GATAD1: variants seen among roughly 807,000 people sequenced by gnomAD.
GATAD1 encodes the protein GATA zinc finger domain-containing protein 1.
In GATAD1, 12 loss-of-function variants were observed where a neutral mutation model predicts 26.5. The observed-to-expected ratio is 0.45, with a 90% CI of 0.29 to 0.73. The LOEUF (loss-of-function observed/expected upper bound fraction) is 0.73, where lower values mean the gene tolerates loss of function less well. Among genes scored for constraint, GATAD1 ranks in the 30% least tolerant of loss-of-function variants. The pLI is 0.10. For synonymous variants in GATAD1, 129 were observed against 133.1 expected, an observed-to-expected ratio of 0.97 and a Z score of 0.21; for missense variants, 266 against 342.1, an observed-to-expected ratio of 0.78 and a Z score of 1.75.
At chr7:92,489,219 C>T in the GATAD1 span, 90 of 1,291,366 alleles carry the variant, frequency 7.0e-5, no homozygotes, top group Non-Finnish European at 1.8e-5. Context: ...TAAACACGAA[C>T]TTTAAAGGTT....
intron 2 of GATAD1, 199 bp downstream of exon 2, chr7:92,449,076 C>T: frequency 9.5e-7 from 1 of 1,050,666 alleles, no homozygotes; most frequent in Non-Finnish European, 1.3e-6. Flanking sequence ...AATACTCTTT[C>T]CTTTTTGTTT....
chr7:92,491,122 T>C, the GATAD1 span: 5 of 623,260 alleles, frequency 8.0e-6, no homozygotes, highest in African/African-American at 9.2e-5. Flanking sequence ...AAATTACCAA[T>C]TAGTGTAAGC....
In GATAD1 at chr7:92,454,543, T is replaced by C. The variant is rs377491014; in HGVS notation, c.477T>C (p.Asp159=). 2.3e-5 allele frequency: 37 copies of C among 1,612,958 alleles called. No homozygotes were observed. The highest frequency in any genetic ancestry group is 3.1e-5 in the Non-Finnish European group (36 of 1,179,064). ...YQIGDVVSVI[D]EQDGKPYYAQ... is the part of the protein sequence containing the mutation. ...TTGGTGATGTTGTTTCTGTGATTGA[T>C]GAACAAGATGGAAAGCCCTACTATG... Residue 159 remains aspartate, a synonymous_variant, in exon 4 of 5, where the codon GAT becomes GAC. Coordinates refer to ENST00000287957, the MANE Select transcript of GATAD1 (RefSeq NM_021167.5).
the GATAD1 span, chr7:92,489,502 A>C: frequency 7.7e-7 from 1 of 1,305,796 alleles, no homozygotes; most frequent in South Asian, 1.2e-5. Context: ...GTTACTTCTT[A>C]TTGTCAGTTT....
chr7:92,450,390 AG>A (rs1789376770), intron 2 of GATAD1: 1 of 317,312 alleles, frequency 3.2e-6, no homozygotes, highest in Non-Finnish European at 5.8e-6. Flanking sequence ...CTATTAGAGC[AG>A]GTACATTTTT....
chr7:92,494,552 G>T, the GATAD1 span: 1 of 1,613,714 alleles, frequency 6.2e-7, no homozygotes, highest in Non-Finnish European at 8.5e-7. Flanking sequence ...TGTAACTCCT[G>T]TATTATCATG....
the GATAD1 span, chr7:92,487,674 G>A: frequency 4.3e-6 from 2 of 466,072 alleles, no homozygotes; most frequent in South Asian, 4.4e-5. Flanking sequence ...AAAAATTCCA[G>A]TCACAGAAAT....
the GATAD1 span, chr7:92,487,542 C>A: frequency 6.7e-7 from 1 of 1,487,932 alleles, no homozygotes; most frequent in South Asian, 1.2e-5. Flanking sequence ...GCTTTCATAT[C>A]TGAAAAAAGA....
In GATAD1 at chr7:92,447,858, C is replaced by A; in HGVS notation, c.129C>A (p.Gly43=). The A allele has an allele frequency of 1.5e-6, 2 of 1,374,054 alleles. No homozygotes were observed. Among genetic ancestry groups the A allele is most frequent in the South Asian group, 1.8e-5 (1 of 55,322 alleles). The allele number at this position is 1,374,054 out of a possible 1,614,324, so 85.1% of individuals were successfully genotyped here. A position where few individuals can be genotyped will look rare whatever the true frequency, so the allele number is the denominator to read the frequency against. Residue 43 remains glycine (G), a synonymous_variant, in exon 1 of 5, where the codon GGC becomes GGA. Coordinates refer to ENST00000287957, the MANE Select transcript of GATAD1 (RefSeq NM_021167.5). ...GCCGGGGCGGCGCGGGCAGCGGGGG[C>A]GCAGGCTCGGGGGCGGCTGGAGGGA... is the stretch of plus-strand genomic sequence containing the variant. ...CTGRGGAGSG[G]AGSGAAGGTG... is the part of the protein sequence containing the mutation.
Position 92,447,691 on chromosome 7 carries a change from G to T in GATAD1, c.-39G>T. ...GGCCGGGCTACCGTCCGCCATTCCC[G>T]TGTCTCTGCGCCCGCGGGGGCCGCC... On this transcript the variant is annotated 5_prime_UTR_variant, in exon 1 of 5. Coordinates refer to ENST00000287957, the MANE Select transcript of GATAD1 (RefSeq NM_021167.5). The T allele has an allele frequency of 7.1e-7, 1 of 1,415,068 alleles. No homozygotes were observed. Among genetic ancestry groups the T allele is most frequent in the Non-Finnish European group, 9.2e-7 (1 of 1,084,484 alleles). The allele number at this position is 1,415,068 out of a possible 1,614,324, so 87.7% of individuals were successfully genotyped here. A position where few individuals can be genotyped will look rare whatever the true frequency, so the allele number is the denominator to read the frequency against.
chr7:92,473,035 C>G, the GATAD1 span: 9 of 152,150 alleles, frequency 5.9e-5, no homozygotes, highest in Admixed American at 5.9e-4. Context: ...TCCCTGAACC[C>G]TTGGGGTAAA....
At chr7:92,490,632 CAAA>C in the GATAD1 span, among the ~76,000 whole-genome samples, 8 of 79,606 alleles carry the variant, frequency 1.0e-4, no homozygotes, top group Admixed American at 2.8e-4. Flanking sequence ...GAGACTGTCT[CAAA>C]AAAAAAAAAA....
the GATAD1 span, among the ~76,000 whole-genome samples, chr7:92,486,785 T>C: frequency 5.3e-5 from 8 of 152,212 alleles, no homozygotes; most frequent in Admixed American, 3.3e-4. Context: ...AGATATTAGA[T>C]ACGCAGATTG....
chr7:92,455,570 A>C (rs192046735), intron 4 of GATAD1, among the ~76,000 whole-genome samples: 2 of 152,306 alleles, frequency 1.3e-5, no homozygotes, highest in Non-Finnish European at 2.9e-5. Flanking sequence ...GAATTTACTG[A>C]TTAATACAAT....
the GATAD1 span, chr7:92,469,567 C>T: frequency 2.6e-6 from 2 of 764,784 alleles, no homozygotes; most frequent in Non-Finnish European, 4.8e-6. Flanking sequence ...TGAGGTACCA[C>T]AGACAAAAAA....
At chr7:92,467,206 C>T in the GATAD1 span, among the ~76,000 whole-genome samples, 1 of 152,028 alleles carries the variant, frequency 6.6e-6, no homozygotes, top group Non-Finnish European at 1.5e-5. Context: ...GTAATCCTAG[C>T]TACCAGGGAG....
At chr7:92,473,597 T>C in the GATAD1 span, among the ~76,000 whole-genome samples, 4 of 152,088 alleles carry the variant, frequency 2.6e-5, no homozygotes, top group East Asian at 7.7e-4. Context: ...CTAGAATGTC[T>C]CTCCCTAACA....
downstream of GATAD1, chr7:92,462,878 T>C (rs1209750399): frequency 6.6e-6 from 1 of 152,226 alleles, no homozygotes; most frequent in Non-Finnish European, 1.5e-5. Context: ...AGCACCTTGC[T>C]CTTGGGTTCT....
chr7:92,468,862 C>G, the GATAD1 span: 1 of 764,420 alleles, frequency 1.3e-6, no homozygotes, highest in Non-Finnish European at 2.4e-6. Flanking sequence ...AGATCGTGGG[C>G]TAGCAGGCCG....
Sources: gnomAD v4.1 joint callset for allele counts (sites outside exome capture counted in the v4.1 genomes callset) on GRCh38, gnomAD v4.1.1 for gene constraint, MANE v1.5 for transcripts, NCBI Gene and HGNC (gene_info 2026-07-23, HGNC 2026-07-21) for gene names.